Variants in NID2 observed in about 807,000 individuals in gnomAD.
NID2 encodes the protein nidogen 2, also known as nidogen-2.
A neutral mutation model predicts 145.4 loss-of-function variants in NID2; 83 were observed. The observed-to-expected ratio is 0.57, with a 90% CI of 0.48 to 0.69. The LOEUF is 0.69. Among genes scored for constraint, NID2 ranks in the 30% least tolerant of loss-of-function variants. NID2 has a pLI of 0.00. For synonymous variants in NID2, 739 were observed against 701.3 expected (o/e 1.05, Z -0.85); for missense variants, 1,807 against 1,765.7 (o/e 1.02, Z -0.42).
chr14:52,014,287 A>G lies in NID2; in HGVS notation c.3420T>C (p.His1140=). Residue 1140 remains histidine (H), a splice_region_variant and synonymous_variant, in exon 16 of 22, where the codon CAT becomes CAC. Transcript: ENST00000216286. The stretch of plus-strand genomic sequence containing the variant: ...CCCCTACAGGAGAAATCCACTTTAC[A>G]TGCAGAGACAGCAGGGTCTTAGCTG... ...KDAAKTLLSL[H]GSIIVGIDYD... is the part of the protein sequence containing the mutation. 2.5e-6 allele frequency: 4 copies of G among 1,614,226 alleles called. No homozygotes were observed. The highest frequency in any genetic ancestry group is 1.1e-5 in the South Asian group (1 of 91,090).
At chr14:52,022,180 C>T (rs1891424628) in intron 12 of NID2, among the ~76,000 whole-genome samples, 1 of 150,332 alleles carries the variant, frequency 6.7e-6, no homozygotes, top group Non-Finnish European at 1.5e-5. Flanking sequence ...TGCTTAGAAC[C>T]TTCAGCCTAA....
At chr14:52,021,755 A>T (rs958671117) in intron 12 of NID2, among the ~76,000 whole-genome samples, 1 of 152,208 alleles carries the variant, frequency 6.6e-6, no homozygotes, top group South Asian at 2.1e-4. Flanking sequence ...GCAGATATCA[A>T]TTCATCTGCA....
intron 5 of NID2, among the ~76,000 whole-genome samples, chr14:52,048,346 C>T (rs1159404396): frequency 2.0e-5 from 3 of 152,204 alleles, no homozygotes. Context: ...AGCCCACGTG[C>T]AGCTATTTAT....
rs201989906 is a variant in NID2, at chr14:52,005,771, G to T, written c.4083C>A (p.Tyr1361Ter). The change falls in exon 21 of 22, where the codon TAC (tyrosine) becomes TAA (stop). Residue 1361 changes from tyrosine (Y) to a stop codon, truncating the protein, a stop_gained. Transcript: ENST00000216286. LOFTEE classifies it high-confidence loss of function. The stretch of plus-strand genomic sequence containing the variant: ...AGTAGGGGTAGACTGCAGTTATCCC[G>T]TAGAGGTGAGATCGTTGTTCTGGGA... ...EYLPEQRSHL[Y>*]GITAVYPYCP... 1 of 1,613,672 alleles carries T rather than the reference G, an allele frequency of 6.2e-7. No homozygotes were observed. Among genetic ancestry groups the T allele is most frequent in the African/African-American group, 1.3e-5 (1 of 74,892 alleles).
At chr14:52,064,784 CTT>C (rs1443512263) in intron 2 of NID2, among the ~76,000 whole-genome samples, 1 of 152,196 alleles carries the variant, frequency 6.6e-6, no homozygotes, top group Admixed American at 6.5e-5. Context: ...AACAATCTCT[CTT>C]GATACCTCAT....
intron 5 of NID2, 88 bp from the exon 6 acceptor site, chr14:52,043,019 G>A (rs991898656): frequency 3.1e-6 from 4 of 1,301,090 alleles, no homozygotes; most frequent in Non-Finnish European, 4.4e-6. Flanking sequence ...CTCCATAGAA[G>A]CAGTTTAGAT....
In NID2 at chr14:52,028,804, A is replaced by G. The variant is rs1276028026; in HGVS notation, c.2448T>C (p.Ser816=). ...ATGFHRCGPN[S]VCINLPGSYR... is the part of the protein sequence containing the mutation. ...AGCTTCCAGGCAAGTTGATACATAC[A>G]GAGTTGGGGCCACAGCGATGAAAGC... is the stretch of plus-strand genomic sequence containing the variant. The change falls in exon 11 of 22, where the codon TCT becomes TCC. Residue 816 remains serine (S), a synonymous_variant. Transcript: ENST00000216286. 1 of 1,614,150 alleles carries G rather than the reference A, an allele frequency of 6.2e-7. No individual in the cohort carries two copies. Among genetic ancestry groups the G allele is most frequent in the Non-Finnish European group, 8.5e-7 (1 of 1,180,018 alleles).
In NID2 at chr14:52,005,104, C is replaced by T. The variant is rs555428502; in HGVS notation, c.*382G>A. 1.7e-5 allele frequency: 3 copies of T among 175,758 alleles called. No individual in the cohort carries two copies. The highest frequency in any genetic ancestry group is 1.8e-4 in the South Asian group (1 of 5,528). 10.9% of individuals were successfully genotyped at this position (175,758 alleles called of 1,614,324 possible). ...TAGGATTATATTGTTATATTGATCA[C>T]ATGTGCTTTAATTTCTTGGCCAGAA... On this transcript the variant is annotated 3_prime_UTR_variant, in exon 22 of 22. Transcript: ENST00000216286.
At chr14:52,048,256 T>C (rs1477719112) in intron 5 of NID2, among the ~76,000 whole-genome samples, 3 of 152,204 alleles carry the variant, frequency 2.0e-5, no homozygotes, top group Admixed American at 6.5e-5. Context: ...GAAGATTCTT[T>C]AGTGAAAGTA....
At chr14:52,009,120 G>A (rs1890910297) in intron 18 of NID2, 1 of 152,204 alleles carries the variant, frequency 6.6e-6, no homozygotes, top group Non-Finnish European at 1.5e-5. Flanking sequence ...AGAAACCATA[G>A]GTTTCCCCTG....
rs1891318522 is a variant in NID2, at chr14:52,019,226, C to T, written c.2863G>A (p.Gly955Arg). 3.7e-6 allele frequency: 6 copies of T among 1,612,594 alleles called. No homozygotes were observed. Among genetic ancestry groups the T allele is most frequent in the Non-Finnish European group, 5.1e-6 (6 of 1,178,858 alleles). Residue 955 changes from glycine to arginine, a missense_variant, in exon 14 of 22, where the codon GGG becomes AGG. Physicochemically the swap from Gly to Arg is moderately radical, Grantham distance 125. Coordinates refer to ENST00000216286, the MANE Select transcript of NID2 (RefSeq NM_007361.4). ...CATTGGGGGATGTGGAACCGGGCCCCAGGGTAGGCATACTGGGCCTGGGCA... is the reference window on the plus strand; with the variant it reads ...CATTGGGGGATGTGGAACCGGGCCCTAGGGTAGGCATACTGGGCCTGGGCA... ...RHAQAQYAYP[G>R]ARFHIPQCDE...
chr14:52,009,055 T>A (rs142766621), intron 18 of NID2: 2 of 152,202 alleles, frequency 1.3e-5, no homozygotes, highest in African/African-American at 4.8e-5. Flanking sequence ...ATAAAAGCTA[T>A]AGAAGCTTTG....
At chr14:52,009,077 T>G (rs1890908371) in intron 18 of NID2, 3 of 152,194 alleles carry the variant, frequency 2.0e-5, no homozygotes, top group African/African-American at 7.2e-5. Flanking sequence ...ATAAATCAGT[T>G]GGGCTACAGA....
intron 5 of NID2, among the ~76,000 whole-genome samples, chr14:52,050,242 C>T (rs1056973359): frequency 1.3e-5 from 2 of 152,202 alleles, no homozygotes; most frequent in African/African-American, 4.8e-5. Context: ...CAGCTGAAGC[C>T]CTCACTGGCA....
At chr14:52,005,565 G>GTCTT (rs1890741147) in intron 21 of NID2, 69 bp from the exon 22 acceptor site, 1 of 1,549,212 alleles carries the variant, frequency 6.5e-7, no homozygotes, top group Non-Finnish European at 8.8e-7. Flanking sequence ...GCAACAGCAA[G>GTCTT]TCTTTGCATT....
rs554451932 is a variant in NID2, at chr14:52,011,649, C to T, written c.3455G>A (p.Arg1152Gln). 39 of 1,614,190 alleles carry T rather than the reference C, an allele frequency of 2.4e-5. No individual in the cohort carries two copies. Among genetic ancestry groups the T allele is most frequent in the South Asian group, 1.4e-4 (13 of 91,086 alleles). ...ATCTGTCCAGTACACCATCCTCTCCCGGCAGTCGTAATCAATTCCCACGAT... is the reference window on the plus strand; with the variant it reads ...ATCTGTCCAGTACACCATCCTCTCCTGGCAGTCGTAATCAATTCCCACGAT... The part of the protein sequence containing the change: ...SIIVGIDYDC[R>Q]ERMVYWTDVA... The change falls in exon 17 of 22, where the codon CGG (arginine) becomes CAG (glutamine). Residue 1152 changes from arginine to glutamine, a missense_variant. By Grantham distance (43) the Arg-to-Gln change is conservative. Coordinates refer to ENST00000216286, the MANE Select transcript of NID2 (RefSeq NM_007361.4).
At chr14:52,030,843 C>T (rs1034289489) in intron 9 of NID2, among the ~76,000 whole-genome samples, 5 of 152,172 alleles carry the variant, frequency 3.3e-5, no homozygotes, top group African/African-American at 1.2e-4. Flanking sequence ...AGAACAGGAC[C>T]ATGTCTTAAA....
Position 52,006,210 on chromosome 14 carries a change from C to G in NID2, c.4004+327G>C. On this transcript the variant is annotated intron_variant, in intron 20 of 21. Coordinates refer to ENST00000216286, the MANE Select transcript of NID2 (RefSeq NM_007361.4). Reference sequence around the variant, plus strand: ...CCAACTTAAGCCCTGTAATATAGCTCATGGTATCAAGGGTAGTCTTATTCT... The same window carrying G: ...CCAACTTAAGCCCTGTAATATAGCTGATGGTATCAAGGGTAGTCTTATTCT... 7.6e-6 allele frequency: 3 copies of G among 392,684 alleles called. No individual in the cohort carries two copies. The South Asian group carries it at 8.6e-5, about 11-fold the overall frequency. 24.3% of individuals were successfully genotyped at this position (392,684 alleles called of 1,614,324 possible). A position where few individuals can be genotyped will look rare whatever the true frequency, so the allele number is the denominator to read the frequency against.
In NID2 at chr14:52,007,820, C is replaced by A; in HGVS notation, c.3870G>T (p.Trp1290Cys). ...CATCAGTAGTATTACCTGCATCTGC[C>A]CAGCAGAGCAGTTTAGAGAAAGGGT... ...TFDPFSKLLC[W>C]ADAGTKKLEC... Residue 1290 changes from tryptophan (W) to cysteine (C), a missense_variant, in exon 19 of 22, where the codon TGG becomes TGT. By Grantham distance (215) the Trp-to-Cys change is radical. Transcript: ENST00000216286. 1.2e-6 allele frequency: 2 copies of A among 1,613,664 alleles called. No homozygotes were observed. Among genetic ancestry groups the A allele is most frequent in the Non-Finnish European group, 1.7e-6 (2 of 1,179,818 alleles).
Sources: allele counts gnomAD v4.1 joint callset (sites outside exome capture counted in the v4.1 genomes callset), GRCh38; gene constraint gnomAD v4.1.1; transcripts MANE v1.5; gene names NCBI Gene and HGNC (gene_info 2026-07-23, HGNC 2026-07-21).